TRANK1: variants seen among roughly 807,000 people sequenced by gnomAD.
TRANK1 encodes tetratricopeptide repeat and ankyrin repeat containing 1, also known as TPR and ankyrin repeat-containing protein 1.
TRANK1 carries 198 observed loss-of-function variants against 266.0 expected under a neutral mutation model. That is an observed-to-expected ratio of 0.74 (90% CI 0.66 to 0.84). The LOEUF is 0.84. TRANK1 is among the 40% of genes least tolerant of loss of function. The pLI is 0.00. For synonymous variants in TRANK1, 1,396 were observed against 1,384.1 expected, an observed-to-expected ratio of 1.01 and a Z score of -0.19; for missense variants, 3,326 against 3,634.6, an observed-to-expected ratio of 0.92 and a Z score of 2.18.
At chr3:36,884,285 C>T (rs113129472) in intron 8 of TRANK1, among the ~76,000 whole-genome samples, 377 of 152,308 alleles carry the variant, frequency 2.5e-3, no homozygotes, top group African/African-American at 8.8e-3. Context: ...CACTCCGCTT[C>T]GCAATGGCAT....
intron 1 of TRANK1, among the ~76,000 whole-genome samples, chr3:36,910,256 T>C (rs2080032478): frequency 6.6e-6 from 1 of 152,118 alleles, no homozygotes; most frequent in African/African-American, 2.4e-5. Context: ...TGGAAAATAA[T>C]TAAAAGAATG....
Position 36,833,284 on chromosome 3 carries a change from C to G in TRANK1, c.6299G>C (p.Arg2100Thr), listed in dbSNP as rs941962820. 1.9e-6 allele frequency: 3 copies of G among 1,613,894 alleles called. No homozygotes were observed. In the African/African-American group the frequency reaches 4.0e-5, roughly 22 times the overall value. ...TTCCTTCTCAGCATTGTTGGTCACT[C>G]TTTTGAGAGCCCTGACCAGACTGAG... ...ILLSLVRALKRVTNNAEKEMV... is the reference protein window; with the variant it reads ...ILLSLVRALKTVTNNAEKEMV... Residue 2100 changes from arginine (R) to threonine (T), a missense_variant, in exon 22 of 24, where the codon AGA becomes ACA. By Grantham distance (71) the Arg-to-Thr change is moderately conservative. Coordinates refer to ENST00000645898, the MANE Select transcript of TRANK1 (RefSeq NM_001329998.2).
rs575439530 is a variant in TRANK1, at chr3:36,936,397, A to G, written c.23+8390T>C. Among the ~76,000 whole-genome samples, 37 of 152,020 alleles carry G rather than the reference A, an allele frequency of 2.4e-4. 1 individual carries two copies. Among genetic ancestry groups the G allele is most frequent in the Admixed American group, 2.2e-3 (33 of 15,262 alleles). Reference sequence around the variant, plus strand: ...CTACTCAAGAGGCTTAGGTGAGAGGATCATTTGAGACGGAAGAGGTCAAGC... The same window carrying G: ...CTACTCAAGAGGCTTAGGTGAGAGGGTCATTTGAGACGGAAGAGGTCAAGC... On this transcript the variant is annotated intron_variant, in intron 1 of 23. Coordinates refer to ENST00000645898, the MANE Select transcript of TRANK1 (RefSeq NM_001329998.2).
chr3:36,934,679 G>A (rs183589296), intron 1 of TRANK1, among the ~76,000 whole-genome samples: 5 of 152,248 alleles, frequency 3.3e-5, no homozygotes, highest in East Asian at 1.9e-4. Context: ...ACAAGTTCAC[G>A]CCCCAGATGA....
chr3:36,864,593 A>G, intron 9 of TRANK1, 113 bp from the exon 10 acceptor site: 1 of 978,514 alleles, frequency 1.0e-6, no homozygotes, highest in South Asian at 2.2e-5. Flanking sequence ...GTGCAGTGTG[A>G]CTTGCTGCTC....
intron 1 of TRANK1, among the ~76,000 whole-genome samples, chr3:36,912,692 T>A (rs2080069357): frequency 6.6e-6 from 1 of 152,244 alleles, no homozygotes; most frequent in Admixed American, 6.5e-5. Context: ...TTGTGGGTTT[T>A]ATGACTCATT....
chr3:36,852,032 A>G, intron 14 of TRANK1, 114 bp downstream of exon 14: 4 of 1,370,956 alleles, frequency 2.9e-6, no homozygotes, highest in Admixed American at 2.9e-5. Flanking sequence ...GAACTCACCC[A>G]CTGTGGGACA....
chr3:36,862,793 C>G (rs1484953357), intron 10 of TRANK1, among the ~76,000 whole-genome samples: 1 of 152,180 alleles, frequency 6.6e-6, no homozygotes, highest in Non-Finnish European at 1.5e-5. Flanking sequence ...TGGAAGCCAA[C>G]TAGCAGAGAG....
At chr3:36,937,148 G>C (rs879675015) in intron 1 of TRANK1, among the ~76,000 whole-genome samples, 7 of 152,014 alleles carry the variant, frequency 4.6e-5, no homozygotes, top group African/African-American at 1.5e-4. Context: ...TCAACTTCTG[G>C]GTCTGAAATG....
At chr3:36,905,303 A>G (rs1235670934) in intron 2 of TRANK1, among the ~76,000 whole-genome samples, 1 of 152,062 alleles carries the variant, frequency 6.6e-6, no homozygotes, top group Non-Finnish European at 1.5e-5. Flanking sequence ...AAAAAAAAAA[A>G]AAAATCCCTG....
rs767126712 is a variant in TRANK1 at position 36,831,734 on chromosome 3, G to A, written c.7849C>T (p.Arg2617Trp). 23 of 1,613,790 alleles carry A rather than the reference G, an allele frequency of 1.4e-5. No individual in the cohort carries two copies. Among genetic ancestry groups the A allele is most frequent in the East Asian group, 2.2e-5 (1 of 44,892 alleles). Residue 2617 changes from arginine to tryptophan, a missense_variant, in exon 22 of 24, where the codon CGG becomes TGG. Arg to Trp is a moderately radical substitution (Grantham distance 101). Coordinates refer to ENST00000645898, the MANE Select transcript of TRANK1 (RefSeq NM_001329998.2). The surrounding 1 kb of genome is among the most constrained non-coding windows in gnomAD (Gnocchi z 5.0). Reference sequence around the variant, plus strand: ...TTCACATTGACTGCCACCAAGACCCGCTTCACCACCTTCAGGAGCCTCTCG... The same window carrying A: ...TTCACATTGACTGCCACCAAGACCCACTTCACCACCTTCAGGAGCCTCTCG... ...VPERLLKVVK[R>W]VLVAVNVKSV...
chr3:36,874,064 T>C, intron 9 of TRANK1, 62 bp downstream of exon 9: 5 of 1,421,742 alleles, frequency 3.5e-6, no homozygotes, highest in South Asian at 1.4e-5. Context: ...TAAACTGATT[T>C]GTATCTAATG....
intron 8 of TRANK1, among the ~76,000 whole-genome samples, chr3:36,878,768 G>A (rs1424383883): frequency 3.8e-5 from 5 of 131,274 alleles, no homozygotes; most frequent in African/African-American, 1.4e-4. Flanking sequence ...AACCTAAAAT[G>A]AAAGTTCAAA....
chr3:36,884,559 A>G (rs1171339963), intron 8 of TRANK1, among the ~76,000 whole-genome samples: 2 of 152,226 alleles, frequency 1.3e-5, no homozygotes, highest in Non-Finnish European at 2.9e-5. Flanking sequence ...CATAGAATAA[A>G]ATAAACATCC....
chr3:36,832,588 C>T lies in TRANK1; in HGVS notation c.6995G>A (p.Ser2332Asn), dbSNP rs368271925. ...NRRESTDLWL[S>N]AMQAFLLSSN... Reference sequence around the variant, plus strand: ...AGAGAGAAGGAAAGCTTGCATGGCACTCAGCCACAGGTCTGTGGATTCCCG... The same window carrying T: ...AGAGAGAAGGAAAGCTTGCATGGCATTCAGCCACAGGTCTGTGGATTCCCG... The change falls in exon 22 of 24, where the codon AGT becomes AAT. Residue 2332 changes from serine to asparagine, a missense_variant. Transcript: ENST00000645898. The T allele has an allele frequency of 5.6e-6, 9 of 1,613,896 alleles. No individual in the cohort carries two copies. In the African/African-American group the frequency reaches 9.3e-5, roughly 17 times the overall value.
intron 1 of TRANK1, among the ~76,000 whole-genome samples, chr3:36,920,980 G>A (rs1247989966): frequency 6.6e-6 from 1 of 152,104 alleles, no homozygotes; most frequent in Non-Finnish European, 1.5e-5. Flanking sequence ...TAACTTCCTC[G>A]TAGTTTCAGT....
At chr3:36,835,099 C>T (rs958995173) in intron 20 of TRANK1, among the ~76,000 whole-genome samples, 192 bp from the exon 21 acceptor site, 2 of 151,728 alleles carry the variant, frequency 1.3e-5, no homozygotes, top group African/African-American at 4.8e-5. Flanking sequence ...GCGGGCGGAT[C>T]ACGAGGTCAG....
At chr3:36,851,499 A>AG in intron 15 of TRANK1, 1 of 1,246,184 alleles carries the variant, frequency 8.0e-7, no homozygotes. Flanking sequence ...GGCAGGGCAC[A>AG]GGGGGAACTA....
intron 1 of TRANK1, among the ~76,000 whole-genome samples, chr3:36,913,644 T>C (rs1473859600): frequency 6.6e-6 from 1 of 152,128 alleles, no homozygotes; most frequent in Non-Finnish European, 1.5e-5. Context: ...TGTTTTTTTC[T>C]TTTTTTCTTG....
Sources: gnomAD v4.1 joint callset for allele counts (sites outside exome capture counted in the v4.1 genomes callset) on GRCh38, gnomAD v4.1.1 for gene constraint, Gnocchi (gnomAD v3.1) non-coding constraint, MANE v1.5 for transcripts, NCBI Gene and HGNC (gene_info 2026-07-23, HGNC 2026-07-21) for gene names.